Variants in CACNA1D observed in about 807,000 individuals in gnomAD.
The protein encoded by CACNA1D is calcium voltage-gated channel subunit alpha1 D.
A neutral mutation model predicts 257.1 loss-of-function variants in CACNA1D; 55 were observed. The observed-to-expected ratio is 0.21, with a 90% CI of 0.17 to 0.27. CACNA1D has a LOEUF of 0.27. CACNA1D is among the 10% of genes least tolerant of loss of function. The probability of loss-of-function intolerance (pLI) is 1.00; values close to 1 mark genes in which losing one functional copy is unlikely to be tolerated. For synonymous variants in CACNA1D, 980 were observed against 1,014.9 expected (o/e 0.97, Z 0.65); for missense variants, 1,876 against 2,784.0 (o/e 0.67, Z 7.34).
At chr3:53,651,822 T>C (rs137986334) in intron 4 of CACNA1D, among the ~76,000 whole-genome samples, 2 of 152,328 alleles carry the variant, frequency 1.3e-5, no homozygotes, top group African/African-American at 2.4e-5. Context: ...CCTTTTGCAG[T>C]TGAGCAAGGT....
Position 53,751,658 on chromosome 3 carries a change from T to C in CACNA1D, c.3517-91T>C. 7.6e-7 allele frequency: 1 copy of C among 1,309,830 alleles called. No individual in the cohort carries two copies. Among genetic ancestry groups the C allele is most frequent in the Non-Finnish European group, 1.1e-6 (1 of 904,316 alleles). 81.1% of individuals were successfully genotyped at this position (1,309,830 alleles called of 1,614,324 possible). ...GTCCACGGCCCCTTCCCGGGAGCTG[T>C]AGGGTGAGCTCTTTCAGAGCAGATG... On this transcript the variant is annotated intron_variant, in intron 27 of 47. Transcript: ENST00000350061. The surrounding 1 kb of genome is among the most constrained non-coding windows in gnomAD (Gnocchi z 4.3).
chr3:53,701,028 T>A (rs2094620369), intron 8 of CACNA1D, among the ~76,000 whole-genome samples: 1 of 152,044 alleles, frequency 6.6e-6, no homozygotes, highest in African/African-American at 2.4e-5. Flanking sequence ...GGATTCCAGT[T>A]TCTTATCTGA....
At chr3:53,724,633 G>A (rs550696987) in intron 14 of CACNA1D, among the ~76,000 whole-genome samples, 2 of 152,296 alleles carry the variant, frequency 1.3e-5, no homozygotes, top group South Asian at 4.1e-4. Context: ...CTGACTCTAC[G>A]CTGAGGTGCT....
At chr3:53,544,822 TAC>T (rs1235038702) in intron 3 of CACNA1D, among the ~76,000 whole-genome samples, 2 of 152,220 alleles carry the variant, frequency 1.3e-5, no homozygotes, top group African/African-American at 4.8e-5. Flanking sequence ...TTAGCTGTGC[TAC>T]TCTCAAGCGC....
At position 53,588,018 on chromosome 3, in the gene CACNA1D, A is replaced by C. The variant is rs562010968; in HGVS notation, c.484-62761A>C. On this transcript the variant is annotated intron_variant, in intron 3 of 47. Coordinates refer to ENST00000350061, the MANE Select transcript of CACNA1D (RefSeq NM_001128840.3). ...TTGGTGGTGCATTTCACAATAAGAA[A>C]TAATTCTGAAATACACTCATAATGG... Among the ~76,000 whole-genome samples the C allele has an allele frequency of 2.7e-4, 41 of 152,342 alleles. 1 individual carries two copies. In the South Asian group the frequency reaches 7.5e-3, roughly 28 times the overall value.
At chr3:53,585,662 G>A (rs763036766) in intron 3 of CACNA1D, among the ~76,000 whole-genome samples, 2 of 152,074 alleles carry the variant, frequency 1.3e-5, no homozygotes, top group Non-Finnish European at 2.9e-5. Flanking sequence ...CTGTGCTGTG[G>A]TCTGAACCTC....
chr3:53,730,212 T>C (rs150642092), intron 15 of CACNA1D, among the ~76,000 whole-genome samples: 1 of 152,328 alleles, frequency 6.6e-6, no homozygotes, highest in African/African-American at 2.4e-5. Flanking sequence ...ATCTTAATTT[T>C]ACTTCTGTAG....
Position 53,731,149 on chromosome 3 carries a change from A to G in CACNA1D, c.2406+3A>G, listed in dbSNP as rs753066458. On this transcript the variant is annotated splice_donor_region_variant and intron_variant, in intron 17 of 47. Coordinates refer to ENST00000350061, the MANE Select transcript of CACNA1D (RefSeq NM_001128840.3). ...AGATAGCCAACAGTGACAACAAGGT[A>G]TGTATTCTAAGATGCTTCTCCCCTT... 3.1e-5 allele frequency: 50 copies of G among 1,595,476 alleles called. No homozygotes were observed. Among genetic ancestry groups the G allele is most frequent in the Non-Finnish European group, 4.1e-5 (48 of 1,163,158 alleles).
intron 4 of CACNA1D, among the ~76,000 whole-genome samples, chr3:53,652,771 T>A (rs2094110526): frequency 6.6e-6 from 1 of 152,212 alleles, no homozygotes; most frequent in South Asian, 2.1e-4. Context: ...ATAAATAAAG[T>A]TTTATTGTAA....
At chr3:53,504,055 GTT>G (rs529982644) in intron 3 of CACNA1D, among the ~76,000 whole-genome samples, 2 of 140,874 alleles carry the variant, frequency 1.4e-5, no homozygotes, top group South Asian at 2.2e-4. Flanking sequence ...CTGGTTTTTT[GTT>G]TTTTTTTTTT....
At chr3:53,519,794 C>T (rs2091481062) in intron 3 of CACNA1D, among the ~76,000 whole-genome samples, 1 of 152,180 alleles carries the variant, frequency 6.6e-6, no homozygotes, top group African/African-American at 2.4e-5. Context: ...TTAGCTGTCA[C>T]CCCATTTTCC....
At chr3:53,533,946 C>T (rs979713905) in intron 3 of CACNA1D, among the ~76,000 whole-genome samples, 4 of 152,276 alleles carry the variant, frequency 2.6e-5, no homozygotes, top group African/African-American at 7.2e-5. Context: ...ATCGATCCAT[C>T]ATATAGGCAA....
chr3:53,781,768 A>G, intron 39 of CACNA1D, 101 bp downstream of exon 39: 1 of 843,650 alleles, frequency 1.2e-6, no homozygotes, highest in Non-Finnish European at 2.1e-6. Context: ...TGCTTTATGT[A>G]TCATTTAGAG....
chr3:53,751,952 A>C lies in CACNA1D; in HGVS notation c.3675+45A>C, dbSNP rs2108881796. 6.3e-7 allele frequency: 1 copy of C among 1,588,738 alleles called. No individual in the cohort carries two copies. Among genetic ancestry groups the C allele is most frequent in the Non-Finnish European group, 8.6e-7 (1 of 1,157,096 alleles). ...TGGGGATCAGGTCCGGGCATTCCGCACAGCCCCGTGCCCCAAATGCTGAGG... is the reference window on the plus strand; with the variant it reads ...TGGGGATCAGGTCCGGGCATTCCGCCCAGCCCCGTGCCCCAAATGCTGAGG... On this transcript the variant is annotated intron_variant, in intron 28 of 47. Coordinates refer to ENST00000350061, the MANE Select transcript of CACNA1D (RefSeq NM_001128840.3). This position sits in a 1 kb window ranked among gnomAD's most constrained non-coding sequence, Gnocchi z 4.3.
intron 4 of CACNA1D, 88 bp from the exon 5 acceptor site, chr3:53,660,045 C>A (rs2094188206): frequency 8.4e-7 from 1 of 1,190,522 alleles, no homozygotes; most frequent in African/African-American, 1.5e-5. Context: ...CAGAATTAGC[C>A]CTTTTCAAAA....
At chr3:53,607,265 C>G (rs1042766526) in intron 3 of CACNA1D, among the ~76,000 whole-genome samples, 33 of 152,152 alleles carry the variant, frequency 2.2e-4, no homozygotes, top group African/African-American at 8.0e-4. Context: ...TGGTGATACA[C>G]CTGTGAACGT....
chr3:53,505,011 A>G (rs903772892), intron 3 of CACNA1D, among the ~76,000 whole-genome samples: 1 of 152,058 alleles, frequency 6.6e-6, no homozygotes, highest in Non-Finnish European at 1.5e-5. Flanking sequence ...GCCATCTCTG[A>G]ACCAGCACTA....
At chr3:53,727,977 T>C (rs977840461) in intron 15 of CACNA1D, among the ~76,000 whole-genome samples, 2 of 152,152 alleles carry the variant, frequency 1.3e-5, no homozygotes, top group African/African-American at 4.8e-5. Context: ...ATATACATCC[T>C]TGTAGTCCCT....
Position 53,673,629 on chromosome 3 carries a change from G to A in CACNA1D, c.1220+503G>A. On this transcript the variant is annotated intron_variant, in intron 8 of 47. Transcript: ENST00000350061. The surrounding 1 kb of genome is among the most constrained non-coding windows in gnomAD (Gnocchi z 4.1). ...CCTAGGAGCACTAACCTTCAGCAAA[G>A]CACTGAGAGGTTTGGCAGCTGCAAC... is the stretch of plus-strand genomic sequence containing the variant. The A allele has an allele frequency of 1.0e-6, 1 of 978,790 alleles. No individual in the cohort carries two copies. The highest frequency in any genetic ancestry group is 1.3e-5 in the South Asian group (1 of 77,856). The allele number at this position is 978,790 out of a possible 1,614,324, so 60.6% of individuals were successfully genotyped here.
Sources: gnomAD v4.1 joint callset for allele counts (sites outside exome capture counted in the v4.1 genomes callset) on GRCh38, gnomAD v4.1.1 for gene constraint, Gnocchi (gnomAD v3.1) non-coding constraint, MANE v1.5 for transcripts, NCBI Gene and HGNC (gene_info 2026-07-23, HGNC 2026-07-21) for gene names.